The following AGR3 variants were observed in gnomAD, a reference collection of about 807,000 sequenced individuals.
AGR3 encodes the protein anterior gradient protein 3.
A neutral mutation model predicts 24.5 loss-of-function variants in AGR3; 37 were observed. The ratio of observed to expected loss-of-function variants is 1.51; its 90% CI spans 1.16 to 1.99. AGR3 has a LOEUF of 1.99. Ranked by LOEUF, AGR3 falls within the 30% of genes most tolerant of loss-of-function variation. The pLI is 0.00. For missense variants in AGR3, 228 were observed against 191.1 expected, an observed-to-expected ratio of 1.19 and a Z score of -1.14; for synonymous variants, 75 against 61.6, an observed-to-expected ratio of 1.22 and a Z score of -1.02.
intron 3 of AGR3, among the ~76,000 whole-genome samples, chr7:16,872,300 C>G (rs1232531055): frequency 6.6e-6 from 1 of 152,048 alleles, no homozygotes; most frequent in Non-Finnish European, 1.5e-5. Context: ...AGAAATAAAT[C>G]CACGTATTTA....
At chr7:16,880,020 C>T (rs376445721) in intron 1 of AGR3, among the ~76,000 whole-genome samples, 1 of 147,700 alleles carries the variant, frequency 6.8e-6, no homozygotes, top group Non-Finnish European at 1.5e-5. Flanking sequence ...ACTTTATTTC[C>T]CTCCCTAATC....
chr7:16,859,333 G>A (rs1459336526), downstream of AGR3: 2 of 376,694 alleles, frequency 5.3e-6, no homozygotes, highest in Non-Finnish European at 9.5e-6. Flanking sequence ...CTCTTATTTA[G>A]GTCTTCTTGT....
At position 16,865,970 on chromosome 7, in the gene AGR3, A is replaced by AG. The variant is rs2115303960; in HGVS notation, c.174-3309_174-3308insC. The AG allele has an allele frequency of 1.2e-5, 8 of 681,748 alleles. No homozygotes were observed. In the South Asian group the frequency reaches 1.2e-4, roughly 10 times the overall value. The allele number at this position is 681,748 out of a possible 1,614,324, so 42.2% of individuals were successfully genotyped here. ...GACTTGAGCTTTTTACCAGGTTTCA[A>AG]CTTCTTCAATTATCTTTTCATGCAC... On this transcript the variant is annotated intron_variant, in intron 3 of 7. Transcript: ENST00000310398.
chr7:16,871,732 C>G (rs1781868326), intron 3 of AGR3, among the ~76,000 whole-genome samples: 1 of 152,108 alleles, frequency 6.6e-6, no homozygotes, highest in East Asian at 1.9e-4. Context: ...ATCCCAGCTA[C>G]TCAGGAGGCT....
chr7:16,864,273 A>G (rs1054253056), intron 3 of AGR3: 57 of 1,338,656 alleles, frequency 4.3e-5, no homozygotes, highest in Middle Eastern at 3.8e-4. Flanking sequence ...TCTATGTCCC[A>G]TCACTCTCAT....
chr7:16,867,960 G>A (rs529459161), intron 3 of AGR3, among the ~76,000 whole-genome samples: 99 of 152,216 alleles, frequency 6.5e-4, no homozygotes, highest in African/African-American at 2.4e-3. Flanking sequence ...CATAATGGCT[G>A]TACTAATTTA....
chr7:16,861,529 T>A, intron 5 of AGR3, 82 bp from the exon 6 acceptor site: 1 of 1,189,874 alleles, frequency 8.4e-7, no homozygotes, highest in Non-Finnish European at 1.2e-6. Flanking sequence ...TGACTGTCAG[T>A]AAATTCTATT....
At chr7:16,857,992 T>A (rs1017937434), downstream of AGR3, among the ~76,000 whole-genome samples, 2 of 54,066 alleles carry the variant, frequency 3.7e-5, no homozygotes, top group African/African-American at 2.6e-4. Context: ...AAACATTTTC[T>A]TTTTTTTTTT....
rs763367776 is a variant in AGR3 at position 16,861,405 on chromosome 7, C to T, written c.346G>A (p.Val116Met). Residue 116 changes from valine (V) to methionine (M), a missense_variant, in exon 6 of 8, where the codon GTG becomes ATG. Physicochemically the swap from Val to Met is conservative, Grantham distance 21. Coordinates refer to ENST00000310398, the MANE Select transcript of AGR3 (RefSeq NM_176813.5). ...DKNLSPDGQY[V>M]PRIMFVDPSL... Reference sequence around the variant, plus strand: ...ATACCTACAAACATGATTCTAGGCACATATTGCCCATCAGGTGATAAATTC... The same window carrying T: ...ATACCTACAAACATGATTCTAGGCATATATTGCCCATCAGGTGATAAATTC... 13 of 1,610,136 alleles carry T rather than the reference C, an allele frequency of 8.1e-6. No individual in the cohort carries two copies. The South Asian group carries it at 1.3e-4, about 16-fold the overall frequency.
At chr7:16,859,383 G>A, downstream of AGR3, 3 of 485,040 alleles carry the variant, frequency 6.2e-6, no homozygotes, top group Non-Finnish European at 1.1e-5. Context: ...TGCTACTGAT[G>A]AGGCAGAAAT....
chr7:16,876,264 T>C (rs1410192177), intron 2 of AGR3, among the ~76,000 whole-genome samples: 2 of 152,356 alleles, frequency 1.3e-5, no homozygotes, highest in African/African-American at 4.8e-5. Context: ...ACTCTAATTC[T>C]AGCCCTATCT....
intron 3 of AGR3, among the ~76,000 whole-genome samples, chr7:16,867,394 A>G (rs534447259): frequency 3.0e-4 from 46 of 152,232 alleles, no homozygotes; most frequent in African/African-American, 1.0e-3. Flanking sequence ...TTATTTGACA[A>G]GTAAAAGTTG....
chr7:16,873,679 T>G (rs1186277941), intron 3 of AGR3, 101 bp downstream of exon 3: 14 of 859,936 alleles, frequency 1.6e-5, no homozygotes, highest in Non-Finnish European at 2.4e-5. Flanking sequence ...CTACACATTG[T>G]GTACATGTAT....
At position 16,878,527 on chromosome 7, in the gene AGR3, G is replaced by T. The variant is rs1562552727; in HGVS notation, c.92C>A (p.Pro31His). The change falls in exon 2 of 8, where the codon CCT becomes CAT. Residue 31 changes from proline to histidine, a missense_variant. By Grantham distance (77) the Pro-to-His change is moderately conservative. Coordinates refer to ENST00000310398, the MANE Select transcript of AGR3 (RefSeq NM_176813.5). ...AIAIKKEKRPPQTLSRGWGDD... is the reference protein window; with the variant it reads ...AIAIKKEKRPHQTLSRGWGDD... ...TACAGCACCTCTTGAGAGTGTCTGA[G>T]GAGGCCTCTTTTCCTTTTTTATTGC... The T allele has an allele frequency of 6.2e-7, 1 of 1,613,842 alleles. No individual in the cohort carries two copies. Among genetic ancestry groups the T allele is most frequent in the Non-Finnish European group, 8.5e-7 (1 of 1,179,742 alleles).
At chr7:16,858,596 A>G (rs1781585276), downstream of AGR3, among the ~76,000 whole-genome samples, 1 of 152,126 alleles carries the variant, frequency 6.6e-6, no homozygotes, top group Non-Finnish European at 1.5e-5. Context: ...ATGTAGCTGG[A>G]TGCAGTGGCT....
intron 2 of AGR3, among the ~76,000 whole-genome samples, chr7:16,877,998 G>T (rs1307999850): frequency 6.6e-6 from 1 of 152,060 alleles, no homozygotes; most frequent in Non-Finnish European, 1.5e-5. Context: ...GGCAATCCTT[G>T]ATTATGTCTA....
At chr7:16,864,415 G>C in intron 3 of AGR3, 1 of 1,274,070 alleles carries the variant, frequency 7.8e-7, no homozygotes. Context: ...GTCCTGTGCG[G>C]GTTCACCCAG....
chr7:16,865,143 C>A (rs1781730247), intron 3 of AGR3: 1 of 736,960 alleles, frequency 1.4e-6, no homozygotes, highest in Non-Finnish European at 2.4e-6. Flanking sequence ...AACGTCTTTG[C>A]CACCAGTAGC....
At chr7:16,868,184 T>G (rs1037805933) in intron 3 of AGR3, among the ~76,000 whole-genome samples, 1 of 152,044 alleles carries the variant, frequency 6.6e-6, no homozygotes, top group East Asian at 1.9e-4. Context: ...AGATGGAGTT[T>G]CGCTCTTGTT....
Sources: allele counts gnomAD v4.1 joint callset (sites outside exome capture counted in the v4.1 genomes callset), GRCh38; gene constraint gnomAD v4.1.1; transcripts MANE v1.5; gene names NCBI Gene and HGNC (gene_info 2026-07-23, HGNC 2026-07-21).